The following ASTN1 variants were observed in gnomAD, a reference collection of about 807,000 sequenced individuals.
The protein encoded by ASTN1 is astrotactin 1.
Under a neutral mutation model 140.7 loss-of-function variants are expected in ASTN1, and 41 were observed. The ratio of observed to expected loss-of-function variants is 0.29; its 90% CI spans 0.23 to 0.38. ASTN1 has a LOEUF of 0.38. ASTN1 is among the 10% of genes least tolerant of loss of function. The probability of loss-of-function intolerance (pLI) is 1.00; values close to 1 mark genes in which losing one functional copy is unlikely to be tolerated. For missense variants in ASTN1, 1,479 were observed against 1,678.8 expected, an observed-to-expected ratio of 0.88 and a Z score of 2.08; for synonymous variants, 640 against 652.2, an observed-to-expected ratio of 0.98 and a Z score of 0.29.
chr1:176,896,796 A>G (rs972708136), intron 16 of ASTN1, among the ~76,000 whole-genome samples: 2 of 152,174 alleles, frequency 1.3e-5, no homozygotes, highest in Non-Finnish European at 2.9e-5. Flanking sequence ...CAGTGCCTCC[A>G]AAGATCCAGC....
At chr1:176,979,119 C>A (rs1673493043) in intron 8 of ASTN1, among the ~76,000 whole-genome samples, 1 of 152,048 alleles carries the variant, frequency 6.6e-6, no homozygotes, top group Non-Finnish European at 1.5e-5. Flanking sequence ...TGAAGGGGAG[C>A]CTCTCTGAGA....
chr1:177,102,125 A>G (rs974063879), intron 1 of ASTN1, among the ~76,000 whole-genome samples: 2 of 152,198 alleles, frequency 1.3e-5, no homozygotes, highest in African/African-American at 2.4e-5. Flanking sequence ...TGGGACATGG[A>G]CTAATTAGGC....
At chr1:177,084,637 C>T (rs796709412) in intron 1 of ASTN1, among the ~76,000 whole-genome samples, 3 of 151,970 alleles carry the variant, frequency 2.0e-5, no homozygotes, top group South Asian at 2.1e-4. Flanking sequence ...GCCCTTGACC[C>T]CCTCCCTCAC....
chr1:177,121,981 C>T (rs756763164), intron 1 of ASTN1, among the ~76,000 whole-genome samples: 6 of 152,252 alleles, frequency 3.9e-5, no homozygotes, highest in Non-Finnish European at 8.8e-5. Flanking sequence ...ACCCACTTAG[C>T]ACAAAACTGG....
rs562631819 is a variant in ASTN1 at position 177,149,188 on chromosome 1, A to T, written c.283+15206T>A. ...TATATAGTAAATATATAGTGTATAT[A>T]TATAGTAAATATATATAGTGTATAT... is the stretch of plus-strand genomic sequence containing the variant. On this transcript the variant is annotated intron_variant, in intron 1 of 22. Transcript: ENST00000361833. Among the ~76,000 whole-genome samples, 12 of 119,548 alleles carry T rather than the reference A, an allele frequency of 1.0e-4. No homozygotes were observed. The South Asian group carries it at 2.6e-3, about 26-fold the overall frequency. 78.4% of individuals were successfully genotyped at this position (119,548 alleles called of 152,430 possible). A position where few individuals can be genotyped will look rare whatever the true frequency, so the allele number is the denominator to read the frequency against.
rs1446588047 is a variant in ASTN1, at chr1:176,861,229, T to A, written c.*3055A>T. On this transcript the variant is annotated 3_prime_UTR_variant, in exon 23 of 23. Transcript: ENST00000361833. ...TGTTTTTCTTCATACTCAGTTTTTT[T>A]AATAGAACATTTGAATATCAAGAAG... 2 of 981,738 alleles carry A rather than the reference T, an allele frequency of 2.0e-6. No homozygotes were observed. The highest frequency in any genetic ancestry group is 3.5e-5 in the African/African-American group (2 of 57,152). 60.8% of individuals were successfully genotyped at this position (981,738 alleles called of 1,614,324 possible).
intron 8 of ASTN1, among the ~76,000 whole-genome samples, chr1:177,005,574 C>T (rs1674953087): frequency 6.6e-6 from 1 of 152,110 alleles, no homozygotes; most frequent in Non-Finnish European, 1.5e-5. Flanking sequence ...TGGAATTAAT[C>T]TAAGTGCTCA....
intron 8 of ASTN1, among the ~76,000 whole-genome samples, chr1:176,996,115 T>C (rs1366989756): frequency 6.6e-6 from 1 of 152,126 alleles, no homozygotes; most frequent in Non-Finnish European, 1.5e-5. Flanking sequence ...AAATTTAAAA[T>C]CTGGGTCTAA....
At chr1:176,946,984 T>C (rs1671986633) in intron 12 of ASTN1, among the ~76,000 whole-genome samples, 1 of 152,238 alleles carries the variant, frequency 6.6e-6, no homozygotes, top group East Asian at 1.9e-4. Context: ...ATAAACCAAA[T>C]TTAGAATTTA....
At chr1:177,006,396 C>G (rs1449575389) in intron 8 of ASTN1, among the ~76,000 whole-genome samples, 1 of 149,426 alleles carries the variant, frequency 6.7e-6, no homozygotes, top group Non-Finnish European at 1.5e-5. Flanking sequence ...GTATTTTTTT[C>G]TATTGATTAA....
At chr1:176,935,614 T>C (rs1671408098) in intron 15 of ASTN1, among the ~76,000 whole-genome samples, 1 of 152,214 alleles carries the variant, frequency 6.6e-6, no homozygotes, top group South Asian at 2.1e-4. Flanking sequence ...CTTTTCTATT[T>C]GTCCTCTACC....
At chr1:177,105,416 C>T (rs545173679) in intron 1 of ASTN1, among the ~76,000 whole-genome samples, 4 of 152,068 alleles carry the variant, frequency 2.6e-5, no homozygotes, top group Admixed American at 6.6e-5. Context: ...CATCTTCTTT[C>T]TCTTCTTAGA....
At chr1:177,037,392 C>T (rs919323174) in intron 2 of ASTN1, among the ~76,000 whole-genome samples, 1 of 152,242 alleles carries the variant, frequency 6.6e-6, no homozygotes, top group Non-Finnish European at 1.5e-5. Flanking sequence ...CTCTACTCAA[C>T]ATCTGCTCAT....
At chr1:176,893,410 C>A (rs959293743) in intron 17 of ASTN1, among the ~76,000 whole-genome samples, 9 of 152,180 alleles carry the variant, frequency 5.9e-5, no homozygotes, top group Admixed American at 5.9e-4. Context: ...CTCTTTTCTA[C>A]CACTCCTCTT....
chr1:177,037,755 C>G (rs898273056), intron 2 of ASTN1, among the ~76,000 whole-genome samples: 2 of 152,154 alleles, frequency 1.3e-5, no homozygotes, highest in East Asian at 3.9e-4. Flanking sequence ...TTTCTCAAAA[C>G]TGTTAACATT....
At chr1:177,155,696 A>G (rs1225042058) in intron 1 of ASTN1, among the ~76,000 whole-genome samples, 7 of 152,168 alleles carry the variant, frequency 4.6e-5, no homozygotes, top group Admixed American at 4.6e-4. Context: ...CAAGGGGAGG[A>G]AGCAAGATGA....
intron 1 of ASTN1, among the ~76,000 whole-genome samples, chr1:177,085,401 C>T (rs760786768): frequency 4.6e-4 from 70 of 152,190 alleles, no homozygotes; most frequent in Admixed American, 1.6e-3. Flanking sequence ...GACAAGGATC[C>T]TTATATTTTG....
At chr1:176,990,867 C>T (rs1674125659) in intron 8 of ASTN1, among the ~76,000 whole-genome samples, 1 of 152,164 alleles carries the variant, frequency 6.6e-6, no homozygotes, top group Non-Finnish European at 1.5e-5. Context: ...TATCCCACTT[C>T]CTGGCTATAT....
chr1:177,018,878 C>G lies in ASTN1; in HGVS notation c.1439-4003G>C, dbSNP rs550850835. Among the ~76,000 whole-genome samples, 14 of 152,328 alleles carry G rather than the reference C, an allele frequency of 9.2e-5. No individual in the cohort carries two copies. The East Asian group carries it at 2.7e-3, about 29-fold the overall frequency. On this transcript the variant is annotated intron_variant, in intron 7 of 22. Transcript: ENST00000361833. ...CTGGCTGGATCCAGGGAGCATTAAG[C>G]CATGCAGCCCTAGTGTTTTGCTGTT... is the stretch of plus-strand genomic sequence containing the variant.
Sources: allele counts gnomAD v4.1 joint callset (sites outside exome capture counted in the v4.1 genomes callset), GRCh38; gene constraint gnomAD v4.1.1; transcripts MANE v1.5; gene names NCBI Gene and HGNC (gene_info 2026-07-23, HGNC 2026-07-21).